The following ACYP2 variants were observed in gnomAD, a reference collection of about 807,000 sequenced individuals.
ACYP2 encodes the protein acylphosphatase-2.
In ACYP2, 12 loss-of-function variants were observed where a neutral mutation model predicts 11.2. The observed-to-expected ratio is 1.08, with a 90% CI of 0.69 to 1.74. The LOEUF (loss-of-function observed/expected upper bound fraction) is 1.74. Ranked by LOEUF, ACYP2 falls within the 40% of genes most tolerant of loss-of-function variation. The pLI is 0.00. For missense variants in ACYP2, 134 were observed against 101.9 expected, an observed-to-expected ratio of 1.31 and a Z score of -1.35; for synonymous variants, 43 against 32.2, an observed-to-expected ratio of 1.33 and a Z score of -1.13.
chr2:54,201,636 CTCTTTCTTTCTTTCTTTCTTTCTT>C (rs1553391343), intron 6 of ACYP2, among the ~76,000 whole-genome samples: 1 of 93,662 alleles, frequency 1.1e-5, no homozygotes. Flanking sequence ...TTCTTTCTTT[CTCTTTCTTTCTTTCTTTCTTTCTT>C]TCTTTCTTTC....
intron 2 of ACYP2, among the ~76,000 whole-genome samples, chr2:54,008,011 A>T (rs1380805852): frequency 6.6e-6 from 1 of 152,220 alleles, no homozygotes; most frequent in Non-Finnish European, 1.5e-5. Context: ...GACCAGGGAC[A>T]CCTCAGAGGT....
chr2:54,085,726 C>CAG (rs951753673), intron 4 of ACYP2, among the ~76,000 whole-genome samples: 52 of 151,654 alleles, frequency 3.4e-4, no homozygotes, highest in African/African-American at 1.2e-3. Flanking sequence ...AGATGTGAGA[C>CAG]AGAGAGAGAG....
intron 6 of ACYP2, among the ~76,000 whole-genome samples, chr2:54,188,877 C>T (rs1257707948): frequency 1.3e-5 from 2 of 152,180 alleles, no homozygotes; most frequent in East Asian, 1.9e-4. Context: ...ATACCTGACG[C>T]TCTGCTTTCT....
At chr2:54,227,346 A>C (rs1343906353) in intron 6 of ACYP2, among the ~76,000 whole-genome samples, 1 of 152,126 alleles carries the variant, frequency 6.6e-6, no homozygotes, top group Non-Finnish European at 1.5e-5. Flanking sequence ...TCCACTTATA[A>C]AGTATGCACA....
At chr2:54,266,308 C>T (rs1204934650) in intron 6 of ACYP2, among the ~76,000 whole-genome samples, 1 of 152,056 alleles carries the variant, frequency 6.6e-6, no homozygotes, top group African/African-American at 2.4e-5. Flanking sequence ...ATGCCCATGC[C>T]CTTTCAAAAA....
At chr2:54,158,297 C>T (rs763475769) in intron 6 of ACYP2, among the ~76,000 whole-genome samples, 7 of 151,794 alleles carry the variant, frequency 4.6e-5, no homozygotes, top group South Asian at 2.1e-4. Context: ...CTGCCTCAGC[C>T]TTCCAAAGTG....
At position 54,227,581 on chromosome 2, in the gene ACYP2, G is replaced by A. The variant is rs376200044; in HGVS notation, c.405-77107G>A. Among the ~76,000 whole-genome samples the A allele has an allele frequency of 3.0e-3, 458 of 150,850 alleles. 1 individual carries two copies. The highest frequency in any genetic ancestry group is 5.4e-3 in the Non-Finnish European group (366 of 67,826). On this transcript the variant is annotated intron_variant, in intron 6 of 6. Coordinates refer to ENST00000607452, the MANE Select transcript of ACYP2 (RefSeq NM_001320586.2). ...CTTGAACCTGGAAGGCCGAGACTGCGCCACTGCACTCCACCCTGGCAACAG... is the reference window on the plus strand; with the variant it reads ...CTTGAACCTGGAAGGCCGAGACTGCACCACTGCACTCCACCCTGGCAACAG...
At chr2:54,223,714 C>T (rs971870552) in intron 6 of ACYP2, among the ~76,000 whole-genome samples, 14 of 152,170 alleles carry the variant, frequency 9.2e-5, no homozygotes, top group African/African-American at 3.1e-4. Context: ...ACAAATTGAC[C>T]AAAAGAACTT....
intron 6 of ACYP2, among the ~76,000 whole-genome samples, chr2:54,295,109 C>G (rs189802758): frequency 5.2e-4 from 79 of 152,158 alleles, no homozygotes; most frequent in Admixed American, 1.6e-3. Flanking sequence ...ACTTGGCCCT[C>G]CTGTGGTATT....
chr2:54,252,383 G>C (rs1439542467), intron 6 of ACYP2, among the ~76,000 whole-genome samples: 4 of 151,970 alleles, frequency 2.6e-5, no homozygotes, highest in Non-Finnish European at 5.9e-5. Context: ...GCATGTCTTT[G>C]AGTGAATATA....
intron 2 of ACYP2, among the ~76,000 whole-genome samples, chr2:53,988,895 C>T (rs934534960): frequency 3.9e-5 from 6 of 151,948 alleles, no homozygotes; most frequent in East Asian, 3.9e-4. Flanking sequence ...TACAGGTGCG[C>T]GCTACCATGC....
intron 2 of ACYP2, chr2:53,975,195 A>C (rs1671409644): frequency 3.0e-5 from 12 of 395,524 alleles, no homozygotes; most frequent in Non-Finnish European, 5.3e-5. Flanking sequence ...ACTGCATTCC[A>C]ACCTGGCGAC....
At chr2:54,035,455 C>G (rs945903536) in intron 2 of ACYP2, among the ~76,000 whole-genome samples, 1 of 151,824 alleles carries the variant, frequency 6.6e-6, no homozygotes, top group African/African-American at 2.4e-5. Flanking sequence ...TTAGTAGAGA[C>G]GTGGTTTCAC....
At chr2:54,091,448 T>C (rs1010422596) in intron 4 of ACYP2, among the ~76,000 whole-genome samples, 2 of 152,088 alleles carry the variant, frequency 1.3e-5, no homozygotes, top group African/African-American at 4.8e-5. Flanking sequence ...CTTATCTCTT[T>C]TCTCTTCAAG....
chr2:54,147,240 A>G (rs1445080603), intron 6 of ACYP2, among the ~76,000 whole-genome samples: 4 of 151,918 alleles, frequency 2.6e-5, no homozygotes, highest in African/African-American at 9.7e-5. Context: ...TTAGTCATAC[A>G]TAAATCAAAA....
chr2:54,159,848 T>C (rs1365100962), intron 6 of ACYP2, among the ~76,000 whole-genome samples: 1 of 152,292 alleles, frequency 6.6e-6, no homozygotes, highest in Admixed American at 6.5e-5. Context: ...CAAGTGCTCT[T>C]CCTCCCTGAG....
intron 2 of ACYP2, among the ~76,000 whole-genome samples, chr2:53,983,411 T>G (rs372248250): frequency 2.0e-5 from 3 of 151,730 alleles, no homozygotes; most frequent in Non-Finnish European, 1.5e-5. Flanking sequence ...GAGGCTGAGG[T>G]GGAAGAATCA....
chr2:54,120,252 C>A (rs1680071724), intron 4 of ACYP2, among the ~76,000 whole-genome samples: 2 of 152,188 alleles, frequency 1.3e-5, no homozygotes, highest in South Asian at 4.1e-4. Flanking sequence ...ACTTCCCTTG[C>A]ATCAAGGACT....
chr2:54,257,002 A>G (rs1353029216), intron 6 of ACYP2, among the ~76,000 whole-genome samples: 1 of 152,126 alleles, frequency 6.6e-6, no homozygotes, highest in Non-Finnish European at 1.5e-5. Flanking sequence ...CTTTTGAAGA[A>G]CAAAAGTTTT....
Sources: gnomAD v4.1 joint callset for allele counts (sites outside exome capture counted in the v4.1 genomes callset) on GRCh38, gnomAD v4.1.1 for gene constraint, MANE v1.5 for transcripts, NCBI Gene and HGNC (gene_info 2026-07-23, HGNC 2026-07-21) for gene names.